LAMA1: variants seen among roughly 807,000 people sequenced by gnomAD.
LAMA1 encodes the protein laminin subunit alpha 1, also known as laminin subunit alpha-1.
Under a neutral mutation model 348.7 loss-of-function variants are expected in LAMA1, and 219 were observed. That is an observed-to-expected ratio of 0.63 (90% CI 0.56 to 0.70). The LOEUF (loss-of-function observed/expected upper bound fraction) is 0.70. LAMA1 is among the 30% of genes least tolerant of loss of function. The probability of loss-of-function intolerance (pLI) is 0.00; values close to 1 mark genes in which losing one functional copy is unlikely to be tolerated. For synonymous variants in LAMA1, 1,487 were observed against 1,491.0 expected (o/e 1.00, Z 0.06); for missense variants, 3,744 against 3,888.0 (o/e 0.96, Z 0.99).
chr18:6,980,119 G>C (rs114664746), intron 42 of LAMA1, among the ~76,000 whole-genome samples: 29 of 152,256 alleles, frequency 1.9e-4, no homozygotes, highest in African/African-American at 6.5e-4. Flanking sequence ...ATGGCCAAGC[G>C]AGCAGTCTTC....
chr18:7,011,365 C>A lies in LAMA1; in HGVS notation c.3622G>T (p.Val1208Phe), dbSNP rs369286165. The change falls in exon 25 of 63, where the codon GTC becomes TTC. Residue 1208 changes from valine to phenylalanine, a missense_variant. Coordinates refer to ENST00000389658, the MANE Select transcript of LAMA1 (RefSeq NM_005559.4). ...APDFLLDAAT[V>F]RQHIRAEPFY... ...GGCTCTGCACGGATGTGCTGCCGGA[C>A]GGTGGCGGCATCCAGCAGGAAGTCG... 6.2e-7 allele frequency: 1 copy of A among 1,611,978 alleles called. No homozygotes were observed. The highest frequency in any genetic ancestry group is 2.2e-5 in the East Asian group (1 of 44,820).
In LAMA1 at chr18:7,050,769, T is replaced by C; in HGVS notation, c.513A>G (p.Pro171=). Residue 171 remains proline (P), a synonymous_variant, in exon 4 of 63, where the codon CCA becomes CCG. Coordinates refer to ENST00000389658, the MANE Select transcript of LAMA1 (RefSeq NM_005559.4). ...CTTCATCATCAGCCCTGTAGGTGGGTGGCCCTCGTCTTGGAGTTATATTGT... is the reference window on the plus strand; with the variant it reads ...CTTCATCATCAGCCCTGTAGGTGGGCGGCCCTCGTCTTGGAGTTATATTGT... The part of the protein sequence containing the change: ...SRYNITPRRG[P]PTYRADDEVI... 6.2e-7 allele frequency: 1 copy of C among 1,614,134 alleles called. No homozygotes were observed. The highest frequency in any genetic ancestry group is 1.7e-4 in the Middle Eastern group (1 of 6,060).
At chr18:7,042,074 T>A in intron 9 of LAMA1, 71 bp downstream of exon 9, 1 of 1,006,462 alleles carries the variant, frequency 9.9e-7, no homozygotes. Context: ...TTACCATTAG[T>A]TCCAGTATGT....
At chr18:7,032,852 C>G (rs530364929) in intron 15 of LAMA1, 132 bp downstream of exon 15, 3 of 724,582 alleles carry the variant, frequency 4.1e-6, no homozygotes, top group Non-Finnish European at 7.4e-6. Flanking sequence ...TTTCTATTGC[C>G]CAAAAAAGAC....
In LAMA1 at chr18:6,999,052, T is replaced by A. The variant is rs868620475; in HGVS notation, c.4663+393A>T. Among the ~76,000 whole-genome samples, 16 of 151,988 alleles carry A rather than the reference T, an allele frequency of 1.1e-4. No individual in the cohort carries two copies. In the East Asian group the frequency reaches 2.7e-3, roughly 26 times the overall value. On this transcript the variant is annotated intron_variant, in intron 32 of 62. Transcript: ENST00000389658. The stretch of plus-strand genomic sequence containing the variant: ...CATTTTTTTGTTTTTGTTTTTTTTT[T>A]AAGTCCATGATAGTCACGAGTGGAA...
At position 6,978,376 on chromosome 18, in the gene LAMA1, T is replaced by C. The variant is rs941584746; in HGVS notation, c.6010A>G (p.Ile2004Val). The C allele has an allele frequency of 3.1e-6, 5 of 1,613,870 alleles. No homozygotes were observed. The highest frequency in any genetic ancestry group is 1.7e-5 in the Admixed American group (1 of 60,026). Residue 2004 changes from isoleucine to valine, a missense_variant and splice_region_variant, in exon 43 of 63, where the codon ATA (isoleucine) becomes GTA (valine). By Grantham distance (29) the Ile-to-Val change is conservative. This residue lies in a region of LAMA1 where 1,983 missense variants were observed against 1,934.3 expected (regional missense o/e 1.03). Transcript: ENST00000389658. Reference sequence around the variant, plus strand: ...TTGGTTTTGGCTCCCTTGTCTCTTATACCTAAAATAAATGTATATAAAAGC... The same window carrying C: ...TTGGTTTTGGCTCCCTTGTCTCTTACACCTAAAATAAATGTATATAAAAGC... ...LLILRAIPKG[I>V]RDKGAKTKEL...
At chr18:6,994,576 G>A (rs1442350039) in intron 34 of LAMA1, among the ~76,000 whole-genome samples, 3 of 151,840 alleles carry the variant, frequency 2.0e-5, no homozygotes, top group South Asian at 4.2e-4. Flanking sequence ...AAATTAACAG[G>A]AGCCAAACTA....
chr18:7,054,636 G>A (rs1286054866), intron 3 of LAMA1, among the ~76,000 whole-genome samples: 1 of 152,180 alleles, frequency 6.6e-6, no homozygotes, highest in African/African-American at 2.4e-5. Flanking sequence ...AAACGTGTGT[G>A]TGTGTACAGT....
chr18:7,117,732 C>G lies in LAMA1; in HGVS notation c.-12G>C, dbSNP rs748085557. 1 of 1,596,288 alleles carries G rather than the reference C, an allele frequency of 6.3e-7. No individual in the cohort carries two copies. The highest frequency in any genetic ancestry group is 1.7e-5 in the Admixed American group (1 of 59,734). On this transcript the variant is annotated 5_prime_UTR_variant, in exon 1 of 63. Transcript: ENST00000389658. ...ACGCCCCCGCGCATCTCGCCTCCGCCGCCACTCGGTGGGTCTGGGGAGAAA... is the reference window on the plus strand; with the variant it reads ...ACGCCCCCGCGCATCTCGCCTCCGCGGCCACTCGGTGGGTCTGGGGAGAAA...
intron 55 of LAMA1, among the ~76,000 whole-genome samples, 191 bp downstream of exon 55, chr18:6,958,286 T>C (rs1468631866): frequency 6.6e-6 from 1 of 152,132 alleles, no homozygotes; most frequent in East Asian, 1.9e-4. Context: ...GATGACCAGA[T>C]CTGTCTAACA....
intron 3 of LAMA1, among the ~76,000 whole-genome samples, chr18:7,058,958 C>T (rs1051200320): frequency 6.6e-5 from 10 of 152,238 alleles, no homozygotes; most frequent in Admixed American, 3.3e-4. Flanking sequence ...GGCACAATCT[C>T]GACTCACTGC....
intron 33 of LAMA1, among the ~76,000 whole-genome samples, chr18:6,996,146 G>T (rs1033538015): frequency 6.6e-6 from 1 of 151,988 alleles, no homozygotes; most frequent in Non-Finnish European, 1.5e-5. Flanking sequence ...TTTTATAGAG[G>T]TAAAAGCTCT....
At chr18:7,024,068 T>G (rs557423411) in intron 18 of LAMA1, among the ~76,000 whole-genome samples, 1 of 151,936 alleles carries the variant, frequency 6.6e-6, no homozygotes, top group East Asian at 1.9e-4. Flanking sequence ...GGTCTCGAAC[T>G]CCTAACCTCA....
rs192019107 is a variant in LAMA1, at chr18:6,977,919, T to C, written c.6191-38A>G. 2.9e-4 allele frequency: 466 copies of C among 1,603,188 alleles called. 3 individuals carry two copies. In the African/African-American group the frequency reaches 5.6e-3, roughly 19 times the overall value. On this transcript the variant is annotated intron_variant, in intron 43 of 62. Transcript: ENST00000389658. ...AGAAGGCAAGGGGTGGCAAGAAAGTTGGGGAGAGGGAAAAACAAGATAATT... is the reference window on the plus strand; with the variant it reads ...AGAAGGCAAGGGGTGGCAAGAAAGTCGGGGAGAGGGAAAAACAAGATAATT...
At chr18:6,949,884 A>G (rs1400439127) in intron 58 of LAMA1, among the ~76,000 whole-genome samples, 5 of 152,184 alleles carry the variant, frequency 3.3e-5, no homozygotes, top group Non-Finnish European at 5.9e-5. Context: ...CTAACCAGCC[A>G]TTGTTTCTCC....
rs1333773925 is a variant in LAMA1 at position 6,964,734 on chromosome 18, G to A, written c.7265C>T (p.Ala2422Val). ...GTCTAGGCGGTTGAGGTCAGAAGAT[G>A]CTCCCGGAGTCTCGCCCTGCTTGGT... ...KETKQGETPGASSDLNRLDKD... is the reference protein window; with the variant it reads ...KETKQGETPGVSSDLNRLDKD... Residue 2422 changes from alanine (A) to valine (V), a missense_variant, in exon 51 of 63, where the codon GCA becomes GTA. By Grantham distance (64) the Ala-to-Val change is moderately conservative (BLOSUM62 0). Coordinates refer to ENST00000389658, the MANE Select transcript of LAMA1 (RefSeq NM_005559.4). 1.9e-6 allele frequency: 3 copies of A among 1,613,982 alleles called. No homozygotes were observed.
At chr18:7,048,588 T>C (rs1437287021) in intron 5 of LAMA1, among the ~76,000 whole-genome samples, 1 of 152,166 alleles carries the variant, frequency 6.6e-6, no homozygotes, top group East Asian at 1.9e-4. Context: ...TAGCATTTTC[T>C]TAAAAAGGTA....
At chr18:6,978,896 T>G (rs1298511627) in intron 42 of LAMA1, among the ~76,000 whole-genome samples, 1 of 152,178 alleles carries the variant, frequency 6.6e-6, no homozygotes, top group East Asian at 1.9e-4. Flanking sequence ...GCCCATAGCA[T>G]CAACTGGCTG....
chr18:7,067,991 T>A (rs1216047209), intron 3 of LAMA1, among the ~76,000 whole-genome samples: 1 of 152,122 alleles, frequency 6.6e-6, no homozygotes. Flanking sequence ...GTAGGTGGCA[T>A]TACAGGCATG....
Sources: gnomAD v4.1 joint callset for allele counts (sites outside exome capture counted in the v4.1 genomes callset) on GRCh38, gnomAD v4.1.1 for gene constraint, gnomAD v4.1.1 regional missense constraint, MANE v1.5 for transcripts, NCBI Gene and HGNC (gene_info 2026-07-23, HGNC 2026-07-21) for gene names.